Variants in KCNQ4 observed in about 807,000 individuals in gnomAD.
The protein encoded by KCNQ4 is potassium voltage-gated channel subfamily KQT member 4.
Under a neutral mutation model 72.6 loss-of-function variants are expected in KCNQ4, and 31 were observed. That is an observed-to-expected ratio of 0.43 (90% CI 0.32 to 0.58). The LOEUF (loss-of-function observed/expected upper bound fraction) is 0.58, where lower values mean the gene tolerates loss of function less well. Among genes scored for constraint, KCNQ4 ranks in the 20% least tolerant of loss-of-function variants. The probability of loss-of-function intolerance (pLI) is 0.08; values close to 1 mark genes in which losing one functional copy is unlikely to be tolerated. For synonymous variants in KCNQ4, 405 were observed against 403.7 expected, an observed-to-expected ratio of 1.00 and a Z score of -0.04; for missense variants, 869 against 962.6, an observed-to-expected ratio of 0.90 and a Z score of 1.29.
At chr1:40,813,452 G>A (rs1029870150) in intron 1 of KCNQ4, among the ~76,000 whole-genome samples, 13 of 152,166 alleles carry the variant, frequency 8.5e-5, no homozygotes, top group Non-Finnish European at 1.9e-4. Flanking sequence ...GGGATGTGCA[G>A]GGGGAGGGAA....
At chr1:40,820,977 C>G (rs1051801784) in intron 7 of KCNQ4, among the ~76,000 whole-genome samples, 2 of 152,220 alleles carry the variant, frequency 1.3e-5, no homozygotes, top group Non-Finnish European at 2.9e-5. Context: ...CCACCTCTGC[C>G]TGCTCCCTAG....
chr1:40,817,373 G>T lies in KCNQ4; in HGVS notation c.405+18G>T. 6.3e-7 allele frequency: 1 copy of T among 1,596,368 alleles called. No individual in the cohort carries two copies. Among genetic ancestry groups the T allele is most frequent in the Non-Finnish European group, 8.6e-7 (1 of 1,165,336 alleles). ...TCATCTTGGTAAGTGCTGGGAGTCC[G>T]GGACTGAGGGGGGCTGTGTGAGGTA... is the stretch of plus-strand genomic sequence containing the variant. On this transcript the variant is annotated intron_variant, in intron 2 of 13. Coordinates refer to ENST00000347132, the MANE Select transcript of KCNQ4 (RefSeq NM_004700.4). The surrounding 1 kb of genome is among the most constrained non-coding windows in gnomAD (Gnocchi z 5.5).
chr1:40,828,241 G>A (rs1348225055), intron 9 of KCNQ4, among the ~76,000 whole-genome samples: 1 of 152,158 alleles, frequency 6.6e-6, no homozygotes, highest in Non-Finnish European at 1.5e-5. Flanking sequence ...GCAGAGCTCG[G>A]CCTCCCCAGC....
intron 1 of KCNQ4, among the ~76,000 whole-genome samples, chr1:40,811,756 G>T (rs1647934398): frequency 6.6e-6 from 1 of 152,220 alleles, no homozygotes; most frequent in African/African-American, 2.4e-5. Context: ...CCTGGGCTGG[G>T]CAGGGAGAAA....
intron 1 of KCNQ4, among the ~76,000 whole-genome samples, chr1:40,811,024 T>C (rs1647917201): frequency 6.6e-6 from 1 of 152,194 alleles, no homozygotes; most frequent in Admixed American, 6.5e-5. Flanking sequence ...AGGATTTTAG[T>C]GTATTCACAG....
At position 40,820,224 on chromosome 1, in the gene KCNQ4, C is replaced by G; in HGVS notation, c.1005C>G (p.Phe335Leu). 1 of 1,610,300 alleles carries G rather than the reference C, an allele frequency of 6.2e-7. No homozygotes were observed. Among genetic ancestry groups the G allele is most frequent in the Non-Finnish European group, 8.5e-7 (1 of 1,178,440 alleles). The change falls in exon 7 of 14, where the codon TTC becomes TTG. Residue 335 changes from phenylalanine to leucine, a missense_variant. Around this residue, in one of 5 missense-constraint regions of KCNQ4, gnomAD observed 19 missense variants for 26.4 expected, o/e 0.72. Coordinates refer to ENST00000347132, the MANE Select transcript of KCNQ4 (RefSeq NM_004700.4). ...AGGAGCAGCACCGGCAGAAGCACTT[C>G]GAGAAGCGGAGGATGCCGGCAGCCA... The part of the protein sequence containing the change: ...KVQEQHRQKH[F>L]EKRRMPAANL...
intron 10 of KCNQ4, among the ~76,000 whole-genome samples, chr1:40,831,911 A>C (rs994422361): frequency 5.3e-5 from 8 of 152,182 alleles, no homozygotes; most frequent in Non-Finnish European, 8.8e-5. Context: ...GGGCACTGAG[A>C]TCTCTCAGCT....
At chr1:40,818,951 G>A (rs1409556632) in intron 4 of KCNQ4, 1 of 591,358 alleles carries the variant, frequency 1.7e-6, no homozygotes, top group East Asian at 2.9e-5. Flanking sequence ...ATGCTTCTGG[G>A]TTTGAAGGGA....
chr1:40,790,347 T>C (rs1647259530), intron 1 of KCNQ4, among the ~76,000 whole-genome samples: 1 of 152,250 alleles, frequency 6.6e-6, no homozygotes, highest in African/African-American at 2.4e-5. Context: ...CTGTTATCAC[T>C]GTCCTCATTC....
chr1:40,795,882 G>C (rs548992576), intron 1 of KCNQ4, among the ~76,000 whole-genome samples: 1 of 152,196 alleles, frequency 6.6e-6, no homozygotes, highest in Admixed American at 6.5e-5. Flanking sequence ...AAGATTCATA[G>C]TCTAATCTCT....
rs534330776 is a variant in KCNQ4 at position 40,806,043 on chromosome 1, G to A, written c.315-11222G>A. On this transcript the variant is annotated intron_variant, in intron 1 of 13. Transcript: ENST00000347132. Reference sequence around the variant, plus strand: ...TTTTTAGTAGAGATGGGGTTTCACCGTGTTAGCCAGGATGGTCTCGATCTC... The same window carrying A: ...TTTTTAGTAGAGATGGGGTTTCACCATGTTAGCCAGGATGGTCTCGATCTC... Among the ~76,000 whole-genome samples, 20 of 152,160 alleles carry A rather than the reference G, an allele frequency of 1.3e-4. 1 individual carries two copies. The East Asian group carries it at 3.1e-3, about 24-fold the overall frequency.
At chr1:40,785,265 A>T (rs190909996) in intron 1 of KCNQ4, among the ~76,000 whole-genome samples, 1 of 152,322 alleles carries the variant, frequency 6.6e-6, no homozygotes, top group African/African-American at 2.4e-5. Flanking sequence ...GAATTTTGGC[A>T]GCTCAGAGCT....
At position 40,814,775 on chromosome 1, in the gene KCNQ4, T is replaced by A. The variant is rs200508980; in HGVS notation, c.315-2490T>A. On this transcript the variant is annotated intron_variant, in intron 1 of 13. Transcript: ENST00000347132. ...AAAGCAAAACAAAAGCCAAATCACT[T>A]AATTTTACCACCCATAGATAAGCCT... Among the ~76,000 whole-genome samples the A allele has an allele frequency of 2.0e-4, 30 of 152,294 alleles. No homozygotes were observed. The East Asian group carries it at 5.2e-3, about 26-fold the overall frequency.
At chr1:40,814,224 T>C (rs1295054710) in intron 1 of KCNQ4, among the ~76,000 whole-genome samples, 1 of 151,550 alleles carries the variant, frequency 6.6e-6, no homozygotes, top group Non-Finnish European at 1.5e-5. Flanking sequence ...TGGCTAACTT[T>C]TGTATTTTTA....
intron 1 of KCNQ4, among the ~76,000 whole-genome samples, chr1:40,808,269 T>C (rs1023134765): frequency 6.6e-6 from 1 of 152,052 alleles, no homozygotes; most frequent in Non-Finnish European, 1.5e-5. Context: ...TGGTGGATAC[T>C]TGGGGGTGGG....
chr1:40,816,849 T>A (rs1368227840), intron 1 of KCNQ4, among the ~76,000 whole-genome samples: 2 of 152,196 alleles, frequency 1.3e-5, no homozygotes, highest in African/African-American at 4.8e-5. Context: ...CCCTCCTTCA[T>A]CCGCTGACCT....
At position 40,838,687 on chromosome 1, in the gene KCNQ4, G is replaced by T; in HGVS notation, c.*164G>T. The T allele has an allele frequency of 1.4e-6, 1 of 697,484 alleles. No individual in the cohort carries two copies. Among genetic ancestry groups the T allele is most frequent in the Non-Finnish European group, 2.5e-6 (1 of 398,910 alleles). 43.2% of individuals were successfully genotyped at this position (697,484 alleles called of 1,614,324 possible). A position where few individuals can be genotyped will look rare whatever the true frequency, so the allele number is the denominator to read the frequency against. On this transcript the variant is annotated 3_prime_UTR_variant, in exon 14 of 14. Transcript: ENST00000347132. ...CTGAGTGGGCGTGGTACCTGCTGTG[G>T]GTGCCAGCGCCCCTTCCCCACCTCA...
chr1:40,784,081 C>G lies in KCNQ4; in HGVS notation c.-13C>G, dbSNP rs1647179952. ...CGTGCCCGGGCCCCGGCGCCCCCAG[C>G]CCGGCGCCGCCCATGGCCGAGGCCC... On this transcript the variant is annotated 5_prime_UTR_variant, in exon 1 of 14. Transcript: ENST00000347132. The surrounding 1 kb of genome is among the most constrained non-coding windows in gnomAD (Gnocchi z 4.1). The G allele has an allele frequency of 1.8e-5, 6 of 338,298 alleles. No homozygotes were observed. In the South Asian group the frequency reaches 5.3e-4, roughly 30 times the overall value. 21.0% of individuals were successfully genotyped at this position (338,298 alleles called of 1,614,324 possible). A position where few individuals can be genotyped will look rare whatever the true frequency, so the allele number is the denominator to read the frequency against.
chr1:40,828,822 G>C (rs1648557802), intron 9 of KCNQ4, among the ~76,000 whole-genome samples: 1 of 152,138 alleles, frequency 6.6e-6, no homozygotes. Flanking sequence ...CCATTTTCTG[G>C]GCCCTGCCCA....
Sources: allele counts gnomAD v4.1 joint callset (sites outside exome capture counted in the v4.1 genomes callset), GRCh38; gene constraint gnomAD v4.1.1; regional missense constraint gnomAD v4.1.1; non-coding constraint Gnocchi (gnomAD v3.1); transcripts MANE v1.5; gene names NCBI Gene and HGNC (gene_info 2026-07-23, HGNC 2026-07-21).